The following PACSIN2 variants were observed in gnomAD, a reference collection of about 807,000 sequenced individuals.
PACSIN2 encodes protein kinase C and casein kinase substrate in neurons protein 2.
PACSIN2 carries 25 observed loss-of-function variants against 63.8 expected under a neutral mutation model. That is an observed-to-expected ratio of 0.39 (90% CI 0.29 to 0.55). PACSIN2 has a LOEUF of 0.55. PACSIN2 is among the 20% of genes least tolerant of loss of function. The probability of loss-of-function intolerance (pLI) is 0.62; values close to 1 mark genes in which losing one functional copy is unlikely to be tolerated. For missense variants in PACSIN2, 518 were observed against 646.9 expected, an observed-to-expected ratio of 0.80 and a Z score of 2.16; for synonymous variants, 255 against 256.2, an observed-to-expected ratio of 1.00 and a Z score of 0.05.
At chr22:42,904,069 A>C (rs1363331734) in intron 2 of PACSIN2, among the ~76,000 whole-genome samples, 1 of 152,230 alleles carries the variant, frequency 6.6e-6, no homozygotes, top group African/African-American at 2.4e-5. Context: ...TGACACAGAA[A>C]CCCAGAAATT....
At chr22:42,903,051 G>T (rs376153764) in intron 2 of PACSIN2, among the ~76,000 whole-genome samples, 10 of 152,358 alleles carry the variant, frequency 6.6e-5, no homozygotes, top group African/African-American at 2.4e-4. Flanking sequence ...CCGCATTCCT[G>T]AGAGAGTCAC....
intron 1 of PACSIN2, among the ~76,000 whole-genome samples, chr22:42,987,866 C>T (rs1441199797): frequency 6.6e-6 from 1 of 152,044 alleles, no homozygotes; most frequent in Non-Finnish European, 1.5e-5. Context: ...CCAGGCTGGA[C>T]GTAGTGGTTT....
intron 1 of PACSIN2, among the ~76,000 whole-genome samples, chr22:42,945,157 G>A (rs1242318630): frequency 4.6e-5 from 7 of 151,992 alleles, no homozygotes; most frequent in African/African-American, 1.7e-4. Flanking sequence ...CTTAGCATGA[G>A]GTAGATGCTC....
chr22:42,883,235 G>A (rs1444470837), intron 6 of PACSIN2, among the ~76,000 whole-genome samples: 2 of 152,178 alleles, frequency 1.3e-5, no homozygotes, highest in East Asian at 1.9e-4. Context: ...CCTCGGGCAA[G>A]TCATTTAATC....
chr22:43,001,658 T>C (rs534861494), intron 1 of PACSIN2, among the ~76,000 whole-genome samples: 3 of 152,356 alleles, frequency 2.0e-5, no homozygotes, highest in African/African-American at 7.2e-5. Context: ...TCTACCTTCC[T>C]GGGTAGTCAA....
intron 2 of PACSIN2, among the ~76,000 whole-genome samples, chr22:42,899,026 C>T (rs756812708): frequency 2.0e-5 from 3 of 152,172 alleles, no homozygotes; most frequent in Non-Finnish European, 2.9e-5. Flanking sequence ...TTCACAAGGA[C>T]GCTGGAGAAG....
At chr22:42,900,707 C>T (rs999181110) in intron 2 of PACSIN2, among the ~76,000 whole-genome samples, 1 of 152,164 alleles carries the variant, frequency 6.6e-6, no homozygotes, top group Admixed American at 6.5e-5. Context: ...CTCCTAGGCT[C>T]AAGCAATCCT....
chr22:42,998,624 A>C (rs1923564945), intron 1 of PACSIN2, among the ~76,000 whole-genome samples: 1 of 152,254 alleles, frequency 6.6e-6, no homozygotes, highest in African/African-American at 2.4e-5. Flanking sequence ...GTATTTTGTT[A>C]ATCATAATCA....
chr22:42,928,265 T>C (rs1250663603), intron 1 of PACSIN2, among the ~76,000 whole-genome samples: 1 of 152,210 alleles, frequency 6.6e-6, no homozygotes, highest in Non-Finnish European at 1.5e-5. Context: ...GTCCTTAAAG[T>C]GATTCACTGT....
intron 1 of PACSIN2, among the ~76,000 whole-genome samples, chr22:42,915,672 T>C (rs559874140): frequency 1.3e-5 from 2 of 152,372 alleles, no homozygotes; most frequent in African/African-American, 4.8e-5. Flanking sequence ...TATATACATC[T>C]TTATTAATTT....
chr22:42,952,516 G>A (rs527470631), intron 1 of PACSIN2, among the ~76,000 whole-genome samples: 2 of 151,576 alleles, frequency 1.3e-5, no homozygotes, highest in African/African-American at 2.4e-5. Flanking sequence ...GCACCACCAC[G>A]CCTGGCTAAT....
intron 2 of PACSIN2, among the ~76,000 whole-genome samples, chr22:42,903,182 G>T (rs1014482579): frequency 6.6e-6 from 1 of 152,148 alleles, no homozygotes; most frequent in African/African-American, 2.4e-5. Flanking sequence ...CAGCTAGAGG[G>T]GGCTCCAGGA....
chr22:43,003,501 G>C (rs907233293), intron 1 of PACSIN2, among the ~76,000 whole-genome samples: 5 of 152,158 alleles, frequency 3.3e-5, no homozygotes, highest in Non-Finnish European at 7.3e-5. Flanking sequence ...TACTTGGGAG[G>C]CTGAGGCAGG....
chr22:42,875,356 G>A (rs1281548007), intron 10 of PACSIN2, among the ~76,000 whole-genome samples: 1 of 151,922 alleles, frequency 6.6e-6, no homozygotes, highest in Non-Finnish European at 1.5e-5. Context: ...ATCTCGCTCT[G>A]TTGCCCAGGT....
rs1418502349 is a variant in PACSIN2, at chr22:42,983,496, A to AAAAAAC, written c.-78+31524_-78+31525insGTTTTT. 4.1e-4 allele frequency among the ~76,000 whole-genome samples: 59 copies of AAAAAAC among 143,264 alleles called. No homozygotes were observed. The East Asian group carries it at 0.011, about 27-fold the overall frequency. 94.0% of individuals were successfully genotyped at this position (143,264 alleles called of 152,430 possible). ...CAGAGTGAGACTCCATCTCAAAAAAAAAAAAAAAAAAACAGATATTGAAGG... is the reference window on the plus strand; with the variant it reads ...CAGAGTGAGACTCCATCTCAAAAAAAAAAAACAAAAAAAAAAAACAGATATTGAAGG... On this transcript the variant is annotated intron_variant, in intron 1 of 10. Coordinates refer to ENST00000263246, the MANE Select transcript of PACSIN2 (RefSeq NM_001184970.3).
At chr22:43,011,904 T>C (rs1924512469) in intron 1 of PACSIN2, among the ~76,000 whole-genome samples, 1 of 147,776 alleles carries the variant, frequency 6.8e-6, no homozygotes, top group Non-Finnish European at 1.5e-5. Flanking sequence ...CCCAGCACTT[T>C]GGGAGGCCAA....
intron 1 of PACSIN2, among the ~76,000 whole-genome samples, chr22:42,919,697 C>T (rs1487531182): frequency 1.4e-5 from 2 of 138,382 alleles, no homozygotes; most frequent in Non-Finnish European, 3.0e-5. Flanking sequence ...CACTTGAACC[C>T]GGGAAGTGGA....
rs397742505 is a variant in PACSIN2 at position 42,871,336 on chromosome 22, C to CT, written c.*20_*21insA. 12 of 1,548,530 alleles carry CT rather than the reference C, an allele frequency of 7.7e-6. 1 individual carries two copies. The highest frequency in any genetic ancestry group is 3.4e-4 in the Middle Eastern group (2 of 5,948). ...CCTGGGCCCGCCGCCTCCGTCCCCC[C>CT]GCTGGCCTGTCCCCGACTCATCACT... is the stretch of plus-strand genomic sequence containing the variant. On this transcript the variant is annotated 3_prime_UTR_variant, in exon 11 of 11. Coordinates refer to ENST00000263246, the MANE Select transcript of PACSIN2 (RefSeq NM_001184970.3). This position sits in a 1 kb window ranked among gnomAD's most constrained non-coding sequence, Gnocchi z 5.4.
intron 3 of PACSIN2, among the ~76,000 whole-genome samples, chr22:42,892,560 C>T (rs752777370): frequency 9.9e-5 from 15 of 152,180 alleles, no homozygotes; most frequent in African/African-American, 2.4e-4. Context: ...CAGGTGGAAA[C>T]GAAATGACGA....
Sources: allele counts gnomAD v4.1 joint callset (sites outside exome capture counted in the v4.1 genomes callset), GRCh38; gene constraint gnomAD v4.1.1; non-coding constraint Gnocchi (gnomAD v3.1); transcripts MANE v1.5; gene names NCBI Gene and HGNC (gene_info 2026-07-23, HGNC 2026-07-21).